Variants in DMD observed in about 807,000 individuals in gnomAD.
The protein encoded by DMD is mutant dystrophin.
In DMD, 63 loss-of-function variants were observed where a neutral mutation model predicts 330.1. The observed-to-expected ratio is 0.19, with a 90% confidence interval of 0.16 to 0.24. DMD has a LOEUF of 0.24. Ranked by LOEUF, DMD falls within the 10% of genes least tolerant of loss-of-function variation. DMD has a pLI of 1.00. For synonymous variants in DMD, 1,223 were observed against 959.8 expected, an observed-to-expected ratio of 1.27 and a Z score of -5.07; for missense variants, 3,344 against 2,684.1, an observed-to-expected ratio of 1.25 and a Z score of -5.43.
At chrX:31,649,853 T>C (rs2080342613) in intron 54 of DMD, among the ~76,000 whole-genome samples, 1 of 111,633 alleles carries the variant, frequency 9.0e-6, no homozygotes, top group African/African-American at 3.3e-5. Context: ...CTCTCAGTCC[T>C]TAAAATGGAC....
At chrX:31,871,618 T>C (rs1180363218) in intron 48 of DMD, among the ~76,000 whole-genome samples, 1 of 111,146 alleles carries the variant, frequency 9.0e-6, no homozygotes, top group African/African-American at 3.3e-5. Context: ...CAAGTTTCTT[T>C]ACATTTAGGA....
At chrX:32,890,379 T>A (rs1215083713) in intron 2 of DMD, among the ~76,000 whole-genome samples, 1 of 107,612 alleles carries the variant, frequency 9.3e-6, no homozygotes, top group African/African-American at 3.4e-5. Flanking sequence ...GGACTCAAAC[T>A]TTTCGCGGGG....
intron 1 of DMD, among the ~76,000 whole-genome samples, chrX:33,135,876 C>G (rs2095523742): frequency 8.9e-6 from 1 of 112,215 alleles, no homozygotes; most frequent in Non-Finnish European, 1.9e-5. Flanking sequence ...TAAATATTAG[C>G]TATCATTATA....
At chrX:33,123,614 C>T (rs1367715269) in intron 1 of DMD, among the ~76,000 whole-genome samples, 1 of 108,857 alleles carries the variant, frequency 9.2e-6, no homozygotes, top group Non-Finnish European at 1.9e-5. Context: ...GACAGGGTTT[C>T]GCCATGTTGG....
chrX:32,371,480 C>A (rs1379169700), intron 34 of DMD, among the ~76,000 whole-genome samples: 2 of 109,894 alleles, frequency 1.8e-5, no homozygotes, highest in Non-Finnish European at 3.8e-5. Flanking sequence ...TCAGATGACA[C>A]CATGGATATT....
intron 18 of DMD, among the ~76,000 whole-genome samples, chrX:32,508,187 A>G (rs1162896611): frequency 3.6e-5 from 4 of 111,324 alleles, no homozygotes; most frequent in Non-Finnish European, 7.5e-5. Flanking sequence ...AATAAACTGA[A>G]TAACTGGTGC....
intron 44 of DMD, among the ~76,000 whole-genome samples, chrX:32,007,123 G>A (rs1313103941): frequency 9.7e-6 from 1 of 102,922 alleles, no homozygotes; most frequent in Admixed American, 1.1e-4. Flanking sequence ...AATGCTAAAT[G>A]ATGAGCTAAT....
intron 60 of DMD, among the ~76,000 whole-genome samples, chrX:31,420,309 T>C (rs2148937786): frequency 8.9e-6 from 1 of 112,528 alleles, no homozygotes; most frequent in African/African-American, 3.2e-5. Flanking sequence ...GAGTTGGTCA[T>C]GTTTTTAGTA....
intron 16 of DMD, among the ~76,000 whole-genome samples, chrX:32,550,667 G>A (rs1291022550): frequency 9.1e-6 from 1 of 109,863 alleles, no homozygotes; most frequent in Non-Finnish European, 1.9e-5. Context: ...ATGCAAAAAA[G>A]CACAGAAAAG....
intron 37 of DMD, 126 bp downstream of exon 37, chrX:32,362,662 C>A: frequency 2.7e-6 from 2 of 733,956 alleles, no homozygotes; most frequent in Non-Finnish European, 2.1e-6. Flanking sequence ...TCCTTAAATA[C>A]ATTTTGGCAT....
intron 25 of DMD, among the ~76,000 whole-genome samples, chrX:32,455,449 A>C (rs979369335): frequency 4.5e-5 from 5 of 111,464 alleles, no homozygotes; most frequent in African/African-American, 1.6e-4. Flanking sequence ...ATAATTAATA[A>C]AGAGCCCATT....
chrX:31,157,186 T>C (rs1341309064), intron 74 of DMD, among the ~76,000 whole-genome samples: 1 of 112,172 alleles, frequency 8.9e-6, no homozygotes, highest in Non-Finnish European at 1.9e-5. Context: ...GGATATGTCA[T>C]TGACACGTAG....
chrX:32,252,667 T>TATATATATATAA (rs1557242918), intron 43 of DMD, among the ~76,000 whole-genome samples: 6,184 of 40,720 alleles, frequency 0.15, 757 homozygotes, highest in Non-Finnish European at 0.17. Flanking sequence ...TATATAAATA[T>TATATATATATAA]ATATATATAA....
At chrX:31,329,731 G>A (rs1448596807) in intron 61 of DMD, among the ~76,000 whole-genome samples, 1 of 110,055 alleles carries the variant, frequency 9.1e-6, no homozygotes, top group Non-Finnish European at 1.9e-5. Context: ...CCAGCACTTT[G>A]GGAGGCCAAG....
At chrX:31,814,053 T>C (rs1288496408) in intron 50 of DMD, among the ~76,000 whole-genome samples, 1 of 111,027 alleles carries the variant, frequency 9.0e-6, no homozygotes, top group African/African-American at 3.3e-5. Flanking sequence ...ATCCCTTATA[T>C]AGTTGGTAGC....
chrX:32,438,716 G>A (rs1174171434), intron 28 of DMD, among the ~76,000 whole-genome samples: 1 of 111,724 alleles, frequency 9.0e-6, no homozygotes, highest in Non-Finnish European at 1.9e-5. Context: ...ATAGCTAGTG[G>A]TGTCCACGTG....
intron 7 of DMD, among the ~76,000 whole-genome samples, chrX:32,718,300 G>C: frequency 9.0e-6 from 1 of 110,957 alleles, no homozygotes; most frequent in South Asian, 3.8e-4. Flanking sequence ...TCCAATGATA[G>C]TGAGTTCTCA....
chrX:31,201,193 ACACACG>A (rs1043714887), intron 67 of DMD, among the ~76,000 whole-genome samples: 8 of 106,280 alleles, frequency 7.5e-5, no homozygotes, highest in East Asian at 2.9e-4. Context: ...ACACACACAC[ACACACG>A]CACACACACA....
At chrX:32,377,047 G>A (rs889467283) in intron 34 of DMD, among the ~76,000 whole-genome samples, 2 of 111,449 alleles carry the variant, frequency 1.8e-5, no homozygotes, top group Admixed American at 9.5e-5. Flanking sequence ...AATCTGTATT[G>A]TTTTTAAGGT....
Sources: allele counts gnomAD v4.1 joint callset (sites outside exome capture counted in the v4.1 genomes callset), GRCh38; gene constraint gnomAD v4.1.1; transcripts MANE v1.5; gene names NCBI Gene and HGNC (gene_info 2026-07-23, HGNC 2026-07-21).